CD8B: variants seen among roughly 807,000 people sequenced by gnomAD.
The protein encoded by CD8B is CD8 subunit beta.
CD8B carries 6 observed loss-of-function variants against 24.2 expected under a neutral mutation model. The observed-to-expected ratio is 0.25, with a 90% CI of 0.14 to 0.49. CD8B has a LOEUF of 0.49. Ranked by LOEUF, CD8B falls within the 20% of genes least tolerant of loss-of-function variation. The pLI is 0.98. For missense variants in CD8B, 196 were observed against 271.3 expected, an observed-to-expected ratio of 0.72 and a Z score of 1.95; for synonymous variants, 84 against 108.3, an observed-to-expected ratio of 0.78 and a Z score of 1.39.
rs187107118 is a variant in CD8B, at chr2:86,840,498, G to A, written c.*1809C>T. 0.013 allele frequency among the ~76,000 whole-genome samples: 2,004 copies of A among 152,226 alleles called. 57 individuals are homozygous for A. The highest frequency in any genetic ancestry group is 0.046 in the African/African-American group (1,914 of 41,516). On this transcript the variant is annotated 3_prime_UTR_variant, in exon 6 of 6. Transcript: ENST00000390655. ...GGCCATCCCTTCATCCGCATAGGGC[G>A]TCAATTCACCTCAGCCTTTCATTAG...
downstream of CD8B, among the ~76,000 whole-genome samples, chr2:86,833,639 C>CCCTTCCTTCCTT (rs1553435044): frequency 6.9e-4 from 52 of 75,874 alleles, no homozygotes; most frequent in Non-Finnish European, 8.7e-4. Flanking sequence ...CTCCCTCCCT[C>CCCTTCCTTCCTT]CCTTCCTTCC....
intron 5 of CD8B, among the ~76,000 whole-genome samples, chr2:86,816,742 G>T (rs199866719): frequency 1.3e-5 from 2 of 152,238 alleles, no homozygotes; most frequent in Non-Finnish European, 2.9e-5. Context: ...AATATGAAAA[G>T]CAAAGTTTCA....
intron 2 of CD8B, among the ~76,000 whole-genome samples, chr2:86,854,847 G>A (rs1382308359): frequency 1.3e-5 from 2 of 152,038 alleles, no homozygotes; most frequent in Admixed American, 6.5e-5. Context: ...AAGGCTGGGC[G>A]CGGTGACTCA....
rs1299523629 is a variant in CD8B, at chr2:86,844,941, G to A, written c.601C>T (p.Arg201Trp). The change falls in exon 5 of 6, where the codon CGG (arginine) becomes TGG (tryptophan). Residue 201 changes from arginine (R) to tryptophan (W), a missense_variant. By Grantham distance (101) the Arg-to-Trp change is moderately radical. Transcript: ENST00000390655. ...ACTTACTGTTTCATGAAACGAAGCC[G>A]GGCTCTCCTCCGCCGGCCTGGAAGA... is the stretch of plus-strand genomic sequence containing the variant. ...IHLCCRRRRA[R>W]LRFMKQFYK 3.2e-5 allele frequency: 50 copies of A among 1,556,506 alleles called. 1 individual carries two copies. The highest frequency in any genetic ancestry group is 3.9e-5 in the Non-Finnish European group (45 of 1,149,786).
rs967629974 is a variant in CD8B, at chr2:86,840,517, T to C, written c.*1790A>G. 6.3e-4 allele frequency among the ~76,000 whole-genome samples: 96 copies of C among 152,290 alleles called. No homozygotes were observed. Among genetic ancestry groups the C allele is most frequent in the Non-Finnish European group, 9.1e-4 (62 of 68,016 alleles). On this transcript the variant is annotated 3_prime_UTR_variant, in exon 6 of 6. Transcript: ENST00000390655. ...TAGGGCGTCAATTCACCTCAGCCTT[T>C]CATTAGCCATGGACCAAATCCTTCA... is the stretch of plus-strand genomic sequence containing the variant.
intron 5 of CD8B, among the ~76,000 whole-genome samples, chr2:86,818,000 A>G (rs907657860): frequency 1.3e-5 from 2 of 152,128 alleles, no homozygotes; most frequent in African/African-American, 4.8e-5. Flanking sequence ...ACCTGAGTTC[A>G]GGAGTTCGAG....
chr2:86,860,756 G>A (rs991543065), intron 1 of CD8B, among the ~76,000 whole-genome samples: 5 of 152,206 alleles, frequency 3.3e-5, no homozygotes, highest in African/African-American at 7.2e-5. Flanking sequence ...AAGCCCTTCC[G>A]GGAAAACCCA....
At chr2:86,829,788 CTG>C (rs1674835954) in intron 5 of CD8B, among the ~76,000 whole-genome samples, 2 of 152,196 alleles carry the variant, frequency 1.3e-5, no homozygotes, top group African/African-American at 4.8e-5. Context: ...TTACCTGCAA[CTG>C]TTTCGGTAAA....
chr2:86,860,138 C>T (rs149396437), intron 1 of CD8B, among the ~76,000 whole-genome samples: 43 of 152,364 alleles, frequency 2.8e-4, no homozygotes, highest in African/African-American at 8.4e-4. Context: ...GGCATGATGG[C>T]GCGTGCCTCT....
intron 1 of CD8B, among the ~76,000 whole-genome samples, chr2:86,860,694 G>C (rs1676533064): frequency 6.6e-6 from 1 of 152,162 alleles, no homozygotes; most frequent in East Asian, 1.9e-4. Flanking sequence ...CTCCCTGATG[G>C]TGGTTATGTG....
chr2:86,853,693 TTTTATTTATTTA>T (rs1160816053), intron 2 of CD8B, among the ~76,000 whole-genome samples: 1 of 151,850 alleles, frequency 6.6e-6, no homozygotes, highest in African/African-American at 2.4e-5. Flanking sequence ...ATTTATTTAT[TTTTATTTATTTA>T]TTTATTTATT....
chr2:86,856,297 C>T (rs1412523182), intron 2 of CD8B, among the ~76,000 whole-genome samples: 3 of 152,142 alleles, frequency 2.0e-5, no homozygotes, highest in Non-Finnish European at 4.4e-5. Flanking sequence ...ATTGTACCCT[C>T]CACCTTCTCA....
At chr2:86,836,974 G>T (rs1329916624), downstream of CD8B, among the ~76,000 whole-genome samples, 4 of 152,096 alleles carry the variant, frequency 2.6e-5, no homozygotes, top group African/African-American at 7.2e-5. Context: ...TGGGTGACAT[G>T]GGGAAACCCC....
intron 3 of CD8B, among the ~76,000 whole-genome samples, chr2:86,847,373 CTT>C (rs1675739524): frequency 6.6e-6 from 1 of 152,104 alleles, no homozygotes; most frequent in South Asian, 2.1e-4. Context: ...ATTTTTAAAA[CTT>C]TTAATTTCAC....
At chr2:86,855,534 C>T (rs1355610960) in intron 2 of CD8B, among the ~76,000 whole-genome samples, 3 of 152,212 alleles carry the variant, frequency 2.0e-5, no homozygotes, top group Admixed American at 6.5e-5. Context: ...ACCTGTGCTT[C>T]TCGTTCTGCC....
chr2:86,822,158 G>A (rs79219669), intron 5 of CD8B, among the ~76,000 whole-genome samples: 17,061 of 152,018 alleles, frequency 0.11, 990 homozygotes, highest in Middle Eastern at 0.15. Flanking sequence ...TGGGAAAAAG[G>A]GTTTTAAAGT....
intron 5 of CD8B, among the ~76,000 whole-genome samples, chr2:86,830,956 T>A (rs1008938772): frequency 6.7e-6 from 1 of 149,798 alleles, no homozygotes; most frequent in East Asian, 1.9e-4. Context: ...TTAAGAAACG[T>A]TATTTATTTA....
chr2:86,833,639 C>T (rs58983762), downstream of CD8B, among the ~76,000 whole-genome samples: 69 of 75,978 alleles, frequency 9.1e-4, 3 homozygotes, highest in Non-Finnish European at 1.3e-3. Context: ...CTCCCTCCCT[C>T]CCTTCCTTCC....
chr2:86,855,671 G>T (rs1245113061), intron 2 of CD8B, among the ~76,000 whole-genome samples: 1 of 152,252 alleles, frequency 6.6e-6, no homozygotes, highest in Non-Finnish European at 1.5e-5. Flanking sequence ...GGGTCGGAGA[G>T]CGTGCAACGA....
Sources: gnomAD v4.1 joint callset for allele counts (sites outside exome capture counted in the v4.1 genomes callset) on GRCh38, gnomAD v4.1.1 for gene constraint, MANE v1.5 for transcripts, NCBI Gene and HGNC (gene_info 2026-07-23, HGNC 2026-07-21) for gene names.